NALF1: variants seen among roughly 807,000 people sequenced by gnomAD.
NALF1 encodes the protein NALCN channel auxiliary factor 1, also known as family with sequence similarity 155 member A.
In NALF1, 3 loss-of-function variants were observed where a neutral mutation model predicts 48.4. The ratio of observed to expected loss-of-function variants is 0.06; its 90% CI spans 0.03 to 0.16. The LOEUF (loss-of-function observed/expected upper bound fraction) is 0.16, where lower values mean the gene tolerates loss of function less well. NALF1 is among the 10% of genes least tolerant of loss of function. The probability of loss-of-function intolerance (pLI) is 1.00; values close to 1 mark genes in which losing one functional copy is unlikely to be tolerated. For missense variants in NALF1, 526 were observed against 571.5 expected, an observed-to-expected ratio of 0.92 and a Z score of 0.81; for synonymous variants, 262 against 245.7, an observed-to-expected ratio of 1.07 and a Z score of -0.62.
At chr13:107,774,106 G>A (rs1286212652) in intron 1 of NALF1, among the ~76,000 whole-genome samples, 1 of 152,144 alleles carries the variant, frequency 6.6e-6, no homozygotes, top group Non-Finnish European at 1.5e-5. Flanking sequence ...TTATGAAGGT[G>A]AGAAGAACAG....
intron 1 of NALF1, among the ~76,000 whole-genome samples, chr13:107,470,445 C>T (rs2139051993): frequency 6.6e-6 from 1 of 152,314 alleles, no homozygotes; most frequent in Admixed American, 6.5e-5. Context: ...ATATGATATA[C>T]TGTAAATCCA....
intron 1 of NALF1, among the ~76,000 whole-genome samples, chr13:107,729,642 A>G (rs1876253650): frequency 6.6e-6 from 1 of 151,938 alleles, no homozygotes; most frequent in Admixed American, 6.6e-5. Flanking sequence ...ACGCCCAGCT[A>G]ATTTTTTTGT....
intron 1 of NALF1, among the ~76,000 whole-genome samples, chr13:107,740,530 T>C (rs1041238696): frequency 1.3e-5 from 2 of 152,254 alleles, no homozygotes; most frequent in Non-Finnish European, 1.5e-5. Flanking sequence ...CATCTATTAT[T>C]AGATTATTCA....
At chr13:107,582,219 G>T (rs1248265611) in intron 1 of NALF1, among the ~76,000 whole-genome samples, 2 of 152,112 alleles carry the variant, frequency 1.3e-5, no homozygotes, top group Non-Finnish European at 2.9e-5. Context: ...AGTCCTTAAT[G>T]ACTCCGAAGT....
chr13:107,494,853 CAG>C, intron 1 of NALF1, among the ~76,000 whole-genome samples: 1 of 152,174 alleles, frequency 6.6e-6, no homozygotes, highest in African/African-American at 2.4e-5. Context: ...GTAAACAAAA[CAG>C]AGAATACTGA....
chr13:107,419,350 C>G (rs1229828611), intron 1 of NALF1, among the ~76,000 whole-genome samples: 1 of 152,186 alleles, frequency 6.6e-6, no homozygotes, highest in Non-Finnish European at 1.5e-5. Context: ...GTGCCTGTCT[C>G]TAAACCCAGG....
chr13:107,736,488 T>C (rs17444832), intron 1 of NALF1, among the ~76,000 whole-genome samples: 9,741 of 152,228 alleles, frequency 0.064, 470 homozygotes, highest in South Asian at 0.16. Flanking sequence ...CACGTACTCA[T>C]TCCTTTGTGC....
At chr13:107,739,538 T>C (rs548225803) in intron 1 of NALF1, among the ~76,000 whole-genome samples, 71 of 151,888 alleles carry the variant, frequency 4.7e-4, no homozygotes, top group South Asian at 2.3e-3. Context: ...CCCTCACTGA[T>C]TCATCAGGAA....
At chr13:107,195,850 C>A (rs1879377961) in intron 2 of NALF1, among the ~76,000 whole-genome samples, 1 of 152,152 alleles carries the variant, frequency 6.6e-6, no homozygotes, top group South Asian at 2.1e-4. Context: ...TTTATTCTTA[C>A]AATGTCTCCC....
chr13:107,470,795 T>C (rs1231082289), intron 1 of NALF1, among the ~76,000 whole-genome samples: 1 of 152,142 alleles, frequency 6.6e-6, no homozygotes, highest in African/African-American at 2.4e-5. Flanking sequence ...GTCATATTAT[T>C]ATAATATAAT....
intron 1 of NALF1, among the ~76,000 whole-genome samples, chr13:107,783,235 A>G (rs1163143440): frequency 3.9e-5 from 3 of 76,996 alleles, no homozygotes; most frequent in Non-Finnish European, 7.6e-5. Context: ...TCCGGGAGGG[A>G]GGTGGGGGGG....
chr13:107,512,702 G>T (rs762267653), intron 1 of NALF1, among the ~76,000 whole-genome samples: 4 of 152,114 alleles, frequency 2.6e-5, no homozygotes, highest in Non-Finnish European at 5.9e-5. Flanking sequence ...GAAATTTCTA[G>T]GGAAAGGGGC....
chr13:107,431,316 C>T (rs868033392), intron 1 of NALF1, among the ~76,000 whole-genome samples: 5 of 152,132 alleles, frequency 3.3e-5, no homozygotes, highest in African/African-American at 9.7e-5. Context: ...TGGGTCTCTC[C>T]GTTTGCTTGA....
At chr13:107,182,908 AT>A (rs1302220344) in intron 2 of NALF1, among the ~76,000 whole-genome samples, 1 of 152,224 alleles carries the variant, frequency 6.6e-6, no homozygotes, top group Non-Finnish European at 1.5e-5. Context: ...GGCAAACAAA[AT>A]AAAAACGGGG....
chr13:107,351,424 C>T (rs2138945450), intron 1 of NALF1, among the ~76,000 whole-genome samples: 1 of 152,260 alleles, frequency 6.6e-6, no homozygotes, highest in South Asian at 2.1e-4. Flanking sequence ...GACTTTCTCC[C>T]CTTTCTCATC....
chr13:107,440,918 A>G (rs1401752948), intron 1 of NALF1, among the ~76,000 whole-genome samples: 1 of 152,124 alleles, frequency 6.6e-6, no homozygotes, highest in Non-Finnish European at 1.5e-5. Context: ...AATAAACAAG[A>G]CCGCCCCTCT....
Position 107,846,188 on chromosome 13 carries a change from C to A in NALF1, c.915+19494G>T, listed in dbSNP as rs1469538233. ...GTCAGTGAAAGGTAGCTGCAAGCGT[C>A]CTGTATCACTTTTGAGCTAGATTTT... On this transcript the variant is annotated intron_variant, in intron 1 of 2. Coordinates refer to ENST00000375915, the MANE Select transcript of NALF1 (RefSeq NM_001080396.3). Among the ~76,000 whole-genome samples the A allele has an allele frequency of 2.0e-5, 3 of 152,224 alleles. No homozygotes were observed. The East Asian group carries it at 5.8e-4, about 29-fold the overall frequency.
intron 1 of NALF1, among the ~76,000 whole-genome samples, chr13:107,833,396 C>T (rs1879800595): frequency 6.6e-6 from 1 of 152,128 alleles, no homozygotes; most frequent in African/African-American, 2.4e-5. Context: ...GGATGAAAGT[C>T]ACCTCCTCTT....
In NALF1 at chr13:107,472,197, C is replaced by T. The variant is rs376268926; in HGVS notation, c.916-261442G>A. 4.6e-5 allele frequency among the ~76,000 whole-genome samples: 7 copies of T among 152,192 alleles called. No homozygotes were observed. In the East Asian group the frequency reaches 7.8e-4, roughly 17 times the overall value. On this transcript the variant is annotated intron_variant, in intron 1 of 2. Transcript: ENST00000375915. ...TACAAAAATTAGCCAGGCATAGTGG[C>T]GGGCACCTGTAATCCCAGGTACTTG...
Sources: gnomAD v4.1 joint callset for allele counts (sites outside exome capture counted in the v4.1 genomes callset) on GRCh38, gnomAD v4.1.1 for gene constraint, MANE v1.5 for transcripts, NCBI Gene and HGNC (gene_info 2026-07-23, HGNC 2026-07-21) for gene names.